ARIH1: variants seen among roughly 807,000 people sequenced by gnomAD.
ARIH1 encodes E3 ubiquitin-protein ligase ARIH1.
A neutral mutation model predicts 85.0 loss-of-function variants in ARIH1; 8 were observed. The observed-to-expected ratio is 0.09, with a 90% CI of 0.06 to 0.17. The LOEUF (loss-of-function observed/expected upper bound fraction) is 0.17. Among genes scored for constraint, ARIH1 ranks in the 10% least tolerant of loss-of-function variants. The pLI, the probability that ARIH1 is intolerant of heterozygous loss-of-function variation, is 1.00. For synonymous variants in ARIH1, 238 were observed against 253.6 expected (o/e 0.94, Z 0.59); for missense variants, 311 against 718.1 (o/e 0.43, Z 6.48).
Position 72,594,930 on chromosome 15 carries a change from G to T in ARIH1, c.*11638G>T, listed in dbSNP as rs1285349456. 7 of 138,270 alleles carry T rather than the reference G, an allele frequency of 5.1e-5. No homozygotes were observed. Among genetic ancestry groups the T allele is most frequent in the African/African-American group, 7.9e-5 (3 of 38,118 alleles). 8.6% of individuals were successfully genotyped at this position (138,270 alleles called of 1,614,324 possible). Reference sequence around the variant, plus strand: ...TTGTTTTCTTAATCTTAGGGATAAAGATTTTAATGTTTCATCACTAAGTAT... The same window carrying T: ...TTGTTTTCTTAATCTTAGGGATAAATATTTTAATGTTTCATCACTAAGTAT... On this transcript the variant is annotated 3_prime_UTR_variant, in exon 14 of 14. Transcript: ENST00000379887.
At chr15:72,567,303 T>C in intron 9 of ARIH1, 126 bp downstream of exon 9, 8 of 689,534 alleles carry the variant, frequency 1.2e-5, no homozygotes, top group South Asian at 8.1e-5. Flanking sequence ...TTGAGTCTTT[T>C]TTTTTTTTTC....
Position 72,587,380 on chromosome 15 carries a change from A to G in ARIH1, c.*4088A>G, listed in dbSNP as rs766227286. ...CACTGCTACTGTTAGAGGTTGCTCT[A>G]TACTATCTCTGATCTTTCATTTGTT... On this transcript the variant is annotated 3_prime_UTR_variant, in exon 14 of 14. Transcript: ENST00000379887. 9.1e-5 allele frequency: 37 copies of G among 404,756 alleles called. No individual in the cohort carries two copies. The highest frequency in any genetic ancestry group is 8.4e-5 in the African/African-American group (4 of 47,892). 25.1% of individuals were successfully genotyped at this position (404,756 alleles called of 1,614,324 possible).
intron 1 of ARIH1, among the ~76,000 whole-genome samples, chr15:72,484,062 A>G (rs2063827062): frequency 6.6e-6 from 1 of 151,100 alleles, no homozygotes; most frequent in Non-Finnish European, 1.5e-5. Flanking sequence ...AATCCCAGCT[A>G]CTCGGGAGGC....
At chr15:72,578,821 G>GTTT (rs66609745) in intron 11 of ARIH1, among the ~76,000 whole-genome samples, 1 of 145,292 alleles carries the variant, frequency 6.9e-6, no homozygotes, top group African/African-American at 2.5e-5. Context: ...TTGGTGTTTT[G>GTTT]TTTTTTTTTT....
chr15:72,591,138 C>T lies in ARIH1; in HGVS notation c.*7846C>T, dbSNP rs997338562. 2 of 146,166 alleles carry T rather than the reference C, an allele frequency of 1.4e-5. No individual in the cohort carries two copies. Among genetic ancestry groups the T allele is most frequent in the Non-Finnish European group, 3.0e-5 (2 of 67,138 alleles). The allele number at this position is 146,166 out of a possible 1,614,324, so 9.1% of individuals were successfully genotyped here. A position where few individuals can be genotyped will look rare whatever the true frequency, so the allele number is the denominator to read the frequency against. ...TCGGAAGGCTGAGGCAGGAGAATCGCTTGAACGCGGGAGGTGGAGTTTGCA... is the reference window on the plus strand; with the variant it reads ...TCGGAAGGCTGAGGCAGGAGAATCGTTTGAACGCGGGAGGTGGAGTTTGCA... On this transcript the variant is annotated 3_prime_UTR_variant, in exon 14 of 14. Transcript: ENST00000379887.
intron 3 of ARIH1, among the ~76,000 whole-genome samples, chr15:72,551,513 A>G (rs936599441): frequency 1.3e-5 from 2 of 152,228 alleles, no homozygotes; most frequent in South Asian, 2.1e-4. Flanking sequence ...TTAGTGTATT[A>G]TAGAGGAGGC....
chr15:72,540,424 C>CT (rs1426790029), intron 2 of ARIH1, among the ~76,000 whole-genome samples: 1 of 151,952 alleles, frequency 6.6e-6, no homozygotes, highest in African/African-American at 2.4e-5. Flanking sequence ...TAGGCCACTC[C>CT]TAGTAAAACT....
intron 1 of ARIH1, among the ~76,000 whole-genome samples, chr15:72,501,967 T>G (rs1220580059): frequency 6.6e-6 from 1 of 152,154 alleles, no homozygotes; most frequent in African/African-American, 2.4e-5. Context: ...GAGTTTCAGG[T>G]AACGATAAAA....
At chr15:72,496,204 A>G (rs530434466) in intron 1 of ARIH1, among the ~76,000 whole-genome samples, 10 of 152,192 alleles carry the variant, frequency 6.6e-5, no homozygotes, top group South Asian at 2.1e-4. Flanking sequence ...GTGCCTGGCC[A>G]TAGTTTTGTA....
Position 72,599,704 on chromosome 15 carries a change from A to T in ARIH1, c.*16412A>T. 6.6e-6 allele frequency: 1 copy of T among 152,138 alleles called. No homozygotes were observed. Among genetic ancestry groups the T allele is most frequent in the East Asian group, 1.9e-4 (1 of 5,188 alleles). 9.4% of individuals were successfully genotyped at this position (152,138 alleles called of 1,614,324 possible). A position where few individuals can be genotyped will look rare whatever the true frequency, so the allele number is the denominator to read the frequency against. On this transcript the variant is annotated 3_prime_UTR_variant, in exon 14 of 14. Transcript: ENST00000379887. ...TTCTACACTTTATTTGTTTTATGTA[A>T]CTATTTTAACAACCTGAGGACTTTT... is the stretch of plus-strand genomic sequence containing the variant.
rs1424490546 is a variant in ARIH1 at position 72,516,164 on chromosome 15, C to T, written c.376-1903C>T. 3.9e-5 allele frequency among the ~76,000 whole-genome samples: 6 copies of T among 152,176 alleles called. No individual in the cohort carries two copies. The East Asian group carries it at 7.7e-4, about 20-fold the overall frequency. On this transcript the variant is annotated intron_variant, in intron 1 of 13. Transcript: ENST00000379887. The stretch of plus-strand genomic sequence containing the variant: ...ATACTCCCTCCCCTCTGTTTTTTCC[C>T]TTTTTGCAAGTTGAGGCTCTTAACA...
chr15:72,518,573 AGGT>A (rs1010231153), intron 2 of ARIH1, among the ~76,000 whole-genome samples: 3 of 152,110 alleles, frequency 2.0e-5, no homozygotes, highest in Admixed American at 6.6e-5. Context: ...GTGGAACACG[AGGT>A]CAGGAGATTG....
rs1398498106 is a variant in ARIH1, at chr15:72,596,250, TTTC to T, written c.*12964_*12966del. ...TATAGGACTCTATGTTGACCTTTTA[TTTC>T]TTCTTTCAGTACTTTAAAGAAGTTA... On this transcript the variant is annotated 3_prime_UTR_variant, in exon 14 of 14. Coordinates refer to ENST00000379887, the MANE Select transcript of ARIH1 (RefSeq NM_005744.5). 2.0e-5 allele frequency: 3 copies of T among 152,232 alleles called. No individual in the cohort carries two copies. Among genetic ancestry groups the T allele is most frequent in the Admixed American group, 6.5e-5 (1 of 15,282 alleles). The allele number at this position is 152,232 out of a possible 1,614,324, so 9.4% of individuals were successfully genotyped here. A position where few individuals can be genotyped will look rare whatever the true frequency, so the allele number is the denominator to read the frequency against.
At chr15:72,526,549 G>A (rs2064029303) in intron 2 of ARIH1, among the ~76,000 whole-genome samples, 1 of 152,158 alleles carries the variant, frequency 6.6e-6, no homozygotes, top group African/African-American at 2.4e-5. Context: ...GGGCAACACA[G>A]TGAGACTCCG....
At position 72,601,159 on chromosome 15, in the gene ARIH1, T is replaced by C. The variant is rs2064380956; in HGVS notation, c.*17867T>C. ...CCCATTTACTTTTTCTCCATCTCCT[T>C]TGCCATCACACTAGTCCAAGTGAAG... On this transcript the variant is annotated 3_prime_UTR_variant, in exon 14 of 14. Transcript: ENST00000379887. The C allele has an allele frequency of 6.6e-6, 1 of 152,208 alleles. No homozygotes were observed. Among genetic ancestry groups the C allele is most frequent in the African/African-American group, 2.4e-5 (1 of 41,458 alleles). 9.4% of individuals were successfully genotyped at this position (152,208 alleles called of 1,614,324 possible).
intron 1 of ARIH1, among the ~76,000 whole-genome samples, chr15:72,492,434 G>GTA (rs1389591069): frequency 6.6e-6 from 1 of 152,106 alleles, no homozygotes; most frequent in East Asian, 1.9e-4. Flanking sequence ...TAGTTCTTTA[G>GTA]TAAAGTTCTC....
At chr15:72,533,938 C>T (rs1217167154) in intron 2 of ARIH1, among the ~76,000 whole-genome samples, 1 of 151,972 alleles carries the variant, frequency 6.6e-6, no homozygotes, top group East Asian at 1.9e-4. Flanking sequence ...TAAGCATGTT[C>T]CTAGCAGTAT....
At chr15:72,516,976 C>A (rs1312907584) in intron 1 of ARIH1, among the ~76,000 whole-genome samples, 1 of 152,158 alleles carries the variant, frequency 6.6e-6, no homozygotes, top group East Asian at 1.9e-4. Context: ...TGAGTCAGGC[C>A]TTGCTGACTT....
At position 72,496,920 on chromosome 15, in the gene ARIH1, A is replaced by G. The variant is rs767310319; in HGVS notation, c.376-21147A>G. The G allele has an allele frequency of 7.0e-5, 63 of 895,382 alleles. No homozygotes were observed. In the Middle Eastern group the frequency reaches 2.3e-3, roughly 33 times the overall value. 55.5% of individuals were successfully genotyped at this position (895,382 alleles called of 1,614,324 possible). On this transcript the variant is annotated intron_variant, in intron 1 of 13. Transcript: ENST00000379887. The stretch of plus-strand genomic sequence containing the variant: ...GACCATTAAACACACATACTTACAC[A>G]CAGACATTGGCAACCAGTACCTCAT...
Sources: allele counts gnomAD v4.1 joint callset (sites outside exome capture counted in the v4.1 genomes callset), GRCh38; gene constraint gnomAD v4.1.1; transcripts MANE v1.5; gene names NCBI Gene and HGNC (gene_info 2026-07-23, HGNC 2026-07-21).